Variants in MON2 observed in about 807,000 individuals in gnomAD.
MON2 encodes protein MON2 homolog.
In MON2, 84 loss-of-function variants were observed where a neutral mutation model predicts 208.6. That is an observed-to-expected ratio of 0.40 (90% CI 0.34 to 0.48). The LOEUF is 0.48. Among genes scored for constraint, MON2 ranks in the 20% least tolerant of loss-of-function variants. The pLI, the probability that MON2 is intolerant of heterozygous loss-of-function variation, is 0.59. For missense variants in MON2, 1,611 were observed against 2,015.4 expected (o/e 0.80, Z 3.84); for synonymous variants, 660 against 694.0 (o/e 0.95, Z 0.77).
rs140838831 is a variant in MON2 at position 62,539,901 on chromosome 12, G to A, written c.2364+1396G>A. Among the ~76,000 whole-genome samples, 1,520 of 152,006 alleles carry A rather than the reference G, an allele frequency of 1.0e-2. 8 individuals carry two copies. Among genetic ancestry groups the A allele is most frequent in the Non-Finnish European group, 0.016 (1,082 of 67,992 alleles). On this transcript the variant is annotated intron_variant, in intron 19 of 34. Coordinates refer to ENST00000393630, the MANE Select transcript of MON2 (RefSeq NM_015026.3). ...ACATGCTCAGTTGAACCCAGGAGGC[G>A]GAGGTTGCTGTGAGTCGAGATTGTG...
At chr12:62,513,522 G>T (rs915275041) in intron 8 of MON2, among the ~76,000 whole-genome samples, 1 of 151,694 alleles carries the variant, frequency 6.6e-6, no homozygotes. Context: ...CACTGCGCCC[G>T]GCCTGGGATT....
chr12:62,559,120 T>C (rs1387816837), intron 25 of MON2, among the ~76,000 whole-genome samples: 1 of 152,196 alleles, frequency 6.6e-6, no homozygotes, highest in African/African-American at 2.4e-5. Context: ...CAAGCTTTTC[T>C]ATTAACCGAC....
chr12:62,509,875 G>GT (rs34273352), intron 8 of MON2, among the ~76,000 whole-genome samples: 57,649 of 148,320 alleles, frequency 0.39, 11,232 homozygotes, highest in African/African-American at 0.42. Flanking sequence ...AATGCAAGTT[G>GT]TTTTTTTTTT....
chr12:62,477,084 A>G (rs530289171), intron 1 of MON2, among the ~76,000 whole-genome samples: 12 of 152,230 alleles, frequency 7.9e-5, no homozygotes, highest in African/African-American at 2.4e-4. Flanking sequence ...CAGGAATTCA[A>G]TGCTGCAGTG....
chr12:62,559,360 G>A (rs1488834663), intron 25 of MON2, among the ~76,000 whole-genome samples: 1 of 152,182 alleles, frequency 6.6e-6, no homozygotes, highest in Non-Finnish European at 1.5e-5. Flanking sequence ...CTTGTTTGCT[G>A]TAGGGAAAAG....
chr12:62,597,388 G>A lies in MON2; in HGVS notation c.*4639G>A, dbSNP rs753038122. ...TTCCTTGTTCATAAGAAGTGGAGCTGTTAGTGGTAGAACCACTGCTCATGG... is the reference window on the plus strand; with the variant it reads ...TTCCTTGTTCATAAGAAGTGGAGCTATTAGTGGTAGAACCACTGCTCATGG... On this transcript the variant is annotated 3_prime_UTR_variant, in exon 35 of 35. Coordinates refer to ENST00000393630, the MANE Select transcript of MON2 (RefSeq NM_015026.3). 5.3e-5 allele frequency: 8 copies of A among 151,984 alleles called. No individual in the cohort carries two copies. The highest frequency in any genetic ancestry group is 1.0e-4 in the Non-Finnish European group (7 of 67,998). 9.4% of individuals were successfully genotyped at this position (151,984 alleles called of 1,614,324 possible). A position where few individuals can be genotyped will look rare whatever the true frequency, so the allele number is the denominator to read the frequency against.
chr12:62,538,538 A>C lies in MON2; in HGVS notation c.2364+33A>C, dbSNP rs754716842. The C allele has an allele frequency of 2.2e-6, 3 of 1,352,684 alleles. No individual in the cohort carries two copies. The African/African-American group carries it at 4.3e-5, about 20-fold the overall frequency. The allele number at this position is 1,352,684 out of a possible 1,614,324, so 83.8% of individuals were successfully genotyped here. On this transcript the variant is annotated intron_variant, in intron 19 of 34. Coordinates refer to ENST00000393630, the MANE Select transcript of MON2 (RefSeq NM_015026.3). ...ATTCTACCTTTCTGTTTTAGATATG[A>C]TACATTAGTTATATAAGATGTACAT...
chr12:62,537,661 G>T lies in MON2; in HGVS notation c.2073G>T (p.Gly691=), dbSNP rs79202632. The change falls in exon 16 of 35, where the codon GGG becomes GGT. Residue 691 remains glycine (G), a synonymous_variant. Transcript: ENST00000393630. ...TACTTAACTTGGCGCATTGCCATGG[G>T]GCTGTTCTTGGAACATCATGGCAAC... The part of the protein sequence containing the change: ...RTLLNLAHCH[G]AVLGTSWQLV... The T allele has an allele frequency of 1.7e-3, 2,769 of 1,613,252 alleles. 2 individuals are homozygous for T. The highest frequency in any genetic ancestry group is 2.1e-3 in the Non-Finnish European group (2,483 of 1,179,706).
chr12:62,572,244 A>G lies in MON2; in HGVS notation c.4514+662A>G, dbSNP rs2074618642. Among the ~76,000 whole-genome samples, 3 of 152,238 alleles carry G rather than the reference A, an allele frequency of 2.0e-5. No homozygotes were observed. In the South Asian group the frequency reaches 6.2e-4, roughly 31 times the overall value. ...TCTTCAGTCTCTCTAGGCATGTTTT[A>G]AGTACTCATTGCCACGGGTGACTAG... On this transcript the variant is annotated intron_variant, in intron 30 of 34. Transcript: ENST00000393630.
chr12:62,494,595 T>C (rs1391430236), intron 3 of MON2, among the ~76,000 whole-genome samples: 2 of 152,224 alleles, frequency 1.3e-5, no homozygotes, highest in African/African-American at 4.8e-5. Flanking sequence ...TAATTGAGTG[T>C]GCCAATGTGT....
intron 1 of MON2, chr12:62,482,409 C>A (rs2069500413): frequency 6.6e-6 from 1 of 152,204 alleles, no homozygotes. Context: ...CAGGCCATAG[C>A]ATACTGGTGT....
At chr12:62,497,527 G>A (rs2070584660) in intron 4 of MON2, among the ~76,000 whole-genome samples, 1 of 152,200 alleles carries the variant, frequency 6.6e-6, no homozygotes, top group African/African-American at 2.4e-5. Context: ...CAAGTGTTAT[G>A]GAGGCTGTAG....
chr12:62,560,403 T>G, intron 25 of MON2, 88 bp from the exon 26 acceptor site: 2 of 1,330,072 alleles, frequency 1.5e-6, no homozygotes, highest in Non-Finnish European at 2.0e-6. Context: ...AGCAGAAAAA[T>G]TAAGCAAATA....
At chr12:62,545,180 C>T (rs950328157) in intron 21 of MON2, among the ~76,000 whole-genome samples, 172 bp downstream of exon 21, 1 of 151,980 alleles carries the variant, frequency 6.6e-6, no homozygotes, top group African/African-American at 2.4e-5. Context: ...ATTTTTAGGG[C>T]TGTTTTCATA....
intron 16 of MON2, 57 bp from the exon 17 acceptor site, chr12:62,538,039 T>C (rs1430633678): frequency 9.5e-6 from 14 of 1,466,498 alleles, no homozygotes; most frequent in South Asian, 1.2e-5. Context: ...ATTTTAGTTA[T>C]TGGACCTTTT....
At position 62,544,917 on chromosome 12, in the gene MON2, C is replaced by G; in HGVS notation, c.2486C>G (p.Ser829Cys). 2 of 1,607,718 alleles carry G rather than the reference C, an allele frequency of 1.2e-6. No homozygotes were observed. Among genetic ancestry groups the G allele is most frequent in the South Asian group, 2.2e-5 (2 of 89,516 alleles). Residue 829 changes from serine (S) to cysteine (C), a missense_variant, in exon 21 of 35, where the codon TCT (serine) becomes TGT (cysteine). Transcript: ENST00000393630. The part of the protein sequence containing the change: ...HLLEVCQHPN[S>C]RMREWGAEAL... The stretch of plus-strand genomic sequence containing the variant: ...CTTCAGGTCTGCCAGCATCCAAACT[C>G]TCGAATGAGAGAATGGGGAGCAGAA...
At chr12:62,517,984 A>G (rs1306617469) in intron 8 of MON2, among the ~76,000 whole-genome samples, 1 of 152,236 alleles carries the variant, frequency 6.6e-6, no homozygotes, top group African/African-American at 2.4e-5. Context: ...AAAATATGCC[A>G]GAAACTGTGT....
chr12:62,565,750 T>A (rs141155572), intron 27 of MON2, among the ~76,000 whole-genome samples: 1 of 152,270 alleles, frequency 6.6e-6, no homozygotes, highest in African/African-American at 2.4e-5. Flanking sequence ...AACAGATACC[T>A]GCCATGCAAG....
intron 20 of MON2, among the ~76,000 whole-genome samples, chr12:62,544,168 G>A (rs1379883609): frequency 1.3e-5 from 2 of 152,092 alleles, no homozygotes; most frequent in Admixed American, 6.6e-5. Context: ...AAACAGGCTG[G>A]CTGCAGTAGC....
Sources: allele counts gnomAD v4.1 joint callset (sites outside exome capture counted in the v4.1 genomes callset), GRCh38; gene constraint gnomAD v4.1.1; transcripts MANE v1.5; gene names NCBI Gene and HGNC (gene_info 2026-07-23, HGNC 2026-07-21).